Variants in MTAP observed in about 807,000 individuals in gnomAD.
MTAP encodes the protein S-methyl-5'-thioadenosine phosphorylase.
In MTAP, 33 loss-of-function variants were observed where a neutral mutation model predicts 33.6. The ratio of observed to expected loss-of-function variants is 0.98; its 90% CI spans 0.74 to 1.31. The LOEUF (loss-of-function observed/expected upper bound fraction) is 1.31, where lower values mean the gene tolerates loss of function less well. Ranked by LOEUF, MTAP falls within the 40% of genes most tolerant of loss-of-function variation. MTAP has a pLI of 0.00. For missense variants in MTAP, 367 were observed against 360.0 expected (o/e 1.02, Z -0.16); for synonymous variants, 148 against 125.7 (o/e 1.18, Z -1.19).
At chr9:21,856,282 A>G in intron 6 of MTAP, 19 of 585,714 alleles carry the variant, frequency 3.2e-5, no homozygotes, top group Non-Finnish European at 4.1e-5. Flanking sequence ...AGTTTGTTTT[A>G]CTATCTAATG....
rs570828000 is a variant in MTAP, at chr9:21,821,997, G to A, written c.347+3795G>A. On this transcript the variant is annotated intron_variant, in intron 4 of 7. Transcript: ENST00000644715. The stretch of plus-strand genomic sequence containing the variant: ...GATATCCCCTTTATCATTTTTTATT[G>A]CATCTATTTGATTCTTCTCTCTTTT... Among the ~76,000 whole-genome samples the A allele has an allele frequency of 8.3e-3, 1,255 of 152,066 alleles. 6 individuals are homozygous for A. The highest frequency in any genetic ancestry group is 0.013 in the Non-Finnish European group (861 of 68,002).
intron 1 of MTAP, among the ~76,000 whole-genome samples, chr9:21,876,668 C>T (rs906255485): frequency 6.6e-6 from 1 of 151,924 alleles, no homozygotes; most frequent in Non-Finnish European, 1.5e-5. Flanking sequence ...TGTCAAAGAT[C>T]AGTTATAGAT....
chr9:21,805,970 G>A (rs1449498410), intron 1 of MTAP, among the ~76,000 whole-genome samples: 2 of 152,222 alleles, frequency 1.3e-5, no homozygotes, highest in Non-Finnish European at 2.9e-5. Flanking sequence ...AGTGAGCTCA[G>A]TGTGGTAGGA....
rs1302294514 is a variant in MTAP, at chr9:21,887,930, T to G, written c.147+33060T>G. On this transcript the variant is annotated intron_variant, in intron 1 of 1. Transcript: ENST00000577563. The stretch of plus-strand genomic sequence containing the variant: ...TGAGTTCTTGATTTGATTCTCAGTT[T>G]GGTCACTGTTGGGATATAGCAGTAC... 2.6e-5 allele frequency among the ~76,000 whole-genome samples: 4 copies of G among 152,178 alleles called. No homozygotes were observed. The East Asian group carries it at 7.7e-4, about 29-fold the overall frequency.
intron 1 of MTAP, among the ~76,000 whole-genome samples, chr9:21,803,546 T>G (rs1176451326): frequency 1.3e-5 from 2 of 152,120 alleles, no homozygotes; most frequent in African/African-American, 4.8e-5. Context: ...CAAGGGGTCA[T>G]TGTGCGGTGG....
downstream of MTAP, among the ~76,000 whole-genome samples, chr9:21,871,041 G>T (rs994352170): frequency 1.3e-5 from 2 of 151,910 alleles, no homozygotes; most frequent in Non-Finnish European, 2.9e-5. Flanking sequence ...AAAGTGCTAG[G>T]ATCACAGCCA....
At chr9:21,889,604 C>A (rs923027424) in intron 1 of MTAP, among the ~76,000 whole-genome samples, 1 of 152,108 alleles carries the variant, frequency 6.6e-6, no homozygotes, top group Non-Finnish European at 1.5e-5. Flanking sequence ...GTCCTATCCC[C>A]CCACTTCCCC....
downstream of MTAP, among the ~76,000 whole-genome samples, chr9:21,869,641 A>G (rs962418023): frequency 1.3e-5 from 2 of 152,166 alleles, no homozygotes; most frequent in African/African-American, 4.8e-5. Flanking sequence ...CCTCAGACTA[A>G]AAACTTGAAG....
chr9:21,901,472 A>G (rs1479577225), intron 1 of MTAP, among the ~76,000 whole-genome samples: 1 of 152,234 alleles, frequency 6.6e-6, no homozygotes, highest in African/African-American at 2.4e-5. Context: ...CTCATAAAGA[A>G]TCAGACATCA....
Position 21,862,236 on chromosome 9 carries a change from T to A in MTAP, c.*222T>A. Reference sequence around the variant, plus strand: ...GAAAAGCAAATGACTAGTAAACATGTGGGAAAAAATATTACATTTTAAGGG... The same window carrying A: ...GAAAAGCAAATGACTAGTAAACATGAGGGAAAAAATATTACATTTTAAGGG... On this transcript the variant is annotated 3_prime_UTR_variant, in exon 8 of 8. Coordinates refer to ENST00000644715, the MANE Select transcript of MTAP (RefSeq NM_002451.4). 8.6e-7 allele frequency: 1 copy of A among 1,157,732 alleles called. No individual in the cohort carries two copies. The highest frequency in any genetic ancestry group is 1.1e-6 in the Non-Finnish European group (1 of 900,360). 71.7% of individuals were successfully genotyped at this position (1,157,732 alleles called of 1,614,324 possible).
chr9:21,889,886 A>G lies in MTAP; in HGVS notation c.147+35016A>G, dbSNP rs79008931. Among the ~76,000 whole-genome samples, 885 of 152,268 alleles carry G rather than the reference A, an allele frequency of 5.8e-3. 19 individuals carry two copies. Among genetic ancestry groups the G allele is most frequent in the East Asian group, 0.056 (292 of 5,176 alleles). ...TCTAATGCTGGTTGTGCTAGTGGTTAGTTGACCTTTAGCCAGAAGGTGGCT... is the reference window on the plus strand; with the variant it reads ...TCTAATGCTGGTTGTGCTAGTGGTTGGTTGACCTTTAGCCAGAAGGTGGCT... On this transcript the variant is annotated intron_variant, in intron 1 of 1. Coordinates refer to the MTAP transcript ENST00000577563.
chr9:21,897,585 T>A (rs1035871659), intron 1 of MTAP, among the ~76,000 whole-genome samples: 1 of 152,060 alleles, frequency 6.6e-6, no homozygotes, highest in Non-Finnish European at 1.5e-5. Flanking sequence ...TATACACCAA[T>A]AACAGACAAA....
rs78389853 is a variant in MTAP at position 21,862,407 on chromosome 9, G to C, written c.*393G>C. The C allele has an allele frequency of 5.5e-3, 897 of 163,534 alleles. 14 individuals are homozygous for C. Among genetic ancestry groups the C allele is most frequent in the East Asian group, 0.053 (298 of 5,608 alleles). The allele number at this position is 163,534 out of a possible 1,614,324, so 10.1% of individuals were successfully genotyped here. On this transcript the variant is annotated 3_prime_UTR_variant, in exon 8 of 8. Coordinates refer to ENST00000644715, the MANE Select transcript of MTAP (RefSeq NM_002451.4). ...TATTTATTGATGCGACTGTAAATTG[G>C]TACAGTATTTCTGGAGGGCAATTTG...
rs571917755 is a variant in MTAP at position 21,908,177 on chromosome 9, T to C, written c.148-22831T>C. 4.5e-4 allele frequency among the ~76,000 whole-genome samples: 69 copies of C among 152,298 alleles called. 2 individuals carry two copies. The South Asian group carries it at 0.014, about 31-fold the overall frequency. ...ACTGATTCTTTCTCCATGTCTATAC[T>C]TTCATCATTTCAATAATGTTATATA... On this transcript the variant is annotated intron_variant, in intron 1 of 1. Transcript: ENST00000577563.
At chr9:21,931,707 C>G (rs143029680), downstream of MTAP, 3 of 152,400 alleles carry the variant, frequency 2.0e-5, no homozygotes, top group Admixed American at 6.5e-5. Flanking sequence ...ATATAAAACC[C>G]CAAGTCTAAG....
At chr9:21,899,358 T>C (rs765696024) in intron 1 of MTAP, among the ~76,000 whole-genome samples, 5 of 146,934 alleles carry the variant, frequency 3.4e-5, no homozygotes, top group Non-Finnish European at 5.9e-5. Context: ...GTTGTGCATA[T>C]GTACCGCATA....
At chr9:21,815,007 C>T (rs1268976228) in intron 1 of MTAP, among the ~76,000 whole-genome samples, 1 of 152,124 alleles carries the variant, frequency 6.6e-6, no homozygotes, top group East Asian at 1.9e-4. Context: ...ATTTTATATC[C>T]CAGCAGTCTT....
chr9:21,804,837 T>A (rs996289353), intron 1 of MTAP, among the ~76,000 whole-genome samples: 6 of 152,208 alleles, frequency 3.9e-5, no homozygotes, highest in Admixed American at 6.5e-5. Flanking sequence ...TGGACCTAGA[T>A]AATGACAGAA....
intron 6 of MTAP, chr9:21,856,046 C>A: frequency 4.5e-6 from 2 of 448,180 alleles, no homozygotes; most frequent in Non-Finnish European, 5.9e-6. Flanking sequence ...TTAATGATTA[C>A]CTCTTGTCTC....
Sources: gnomAD v4.1 joint callset for allele counts (sites outside exome capture counted in the v4.1 genomes callset) on GRCh38, gnomAD v4.1.1 for gene constraint, MANE v1.5 for transcripts, NCBI Gene and HGNC (gene_info 2026-07-23, HGNC 2026-07-21) for gene names.